The following HS3ST4 variants were observed in gnomAD, a reference collection of about 807,000 sequenced individuals.
HS3ST4 encodes heparan sulfate-glucosamine 3-sulfotransferase 4.
A neutral mutation model predicts 29.2 loss-of-function variants in HS3ST4; 17 were observed. The observed-to-expected ratio is 0.58, with a 90% CI of 0.40 to 0.87. The LOEUF is 0.87. HS3ST4 is among the 40% of genes least tolerant of loss of function. The pLI, the probability that HS3ST4 is intolerant of heterozygous loss-of-function variation, is 0.00. For synonymous variants in HS3ST4, 314 were observed against 285.7 expected (o/e 1.10, Z -1.00); for missense variants, 627 against 634.5 (o/e 0.99, Z 0.13).
chr16:25,768,061 C>G (rs75106013), intron 1 of HS3ST4, among the ~76,000 whole-genome samples: 7 of 151,950 alleles, frequency 4.6e-5, no homozygotes, highest in Non-Finnish European at 1.0e-4. Flanking sequence ...CAGGGGAGTG[C>G]GGGGGAGCAG....
intron 1 of HS3ST4, among the ~76,000 whole-genome samples, chr16:26,098,247 G>A (rs1898951582): frequency 6.6e-6 from 1 of 152,062 alleles, no homozygotes; most frequent in South Asian, 2.1e-4. Flanking sequence ...TATACCCAAA[G>A]GATTATAAAT....
intron 1 of HS3ST4, among the ~76,000 whole-genome samples, chr16:25,744,449 A>T (rs1344036170): frequency 6.6e-6 from 1 of 152,210 alleles, no homozygotes; most frequent in African/African-American, 2.4e-5. Context: ...TAGTAGAAAC[A>T]TCCTAAATAG....
At chr16:25,951,597 T>G (rs1378295009) in intron 1 of HS3ST4, among the ~76,000 whole-genome samples, 1 of 152,224 alleles carries the variant, frequency 6.6e-6, no homozygotes, top group Non-Finnish European at 1.5e-5. Flanking sequence ...GTATCCCACT[T>G]TCTACTCTCT....
intron 1 of HS3ST4, among the ~76,000 whole-genome samples, chr16:26,116,117 G>T (rs968722547): frequency 5.9e-5 from 9 of 152,174 alleles, no homozygotes; most frequent in Non-Finnish European, 1.2e-4. Flanking sequence ...AGATCCTCTT[G>T]CAAATGTGTG....
chr16:25,808,461 C>G (rs1215400987), intron 1 of HS3ST4, among the ~76,000 whole-genome samples: 1 of 152,134 alleles, frequency 6.6e-6, no homozygotes, highest in Non-Finnish European at 1.5e-5. Context: ...TATGTTTTCT[C>G]TTCCACTGAT....
intron 1 of HS3ST4, among the ~76,000 whole-genome samples, chr16:26,093,084 G>A (rs1345866207): frequency 2.0e-5 from 3 of 152,146 alleles, no homozygotes; most frequent in Admixed American, 6.5e-5. Flanking sequence ...CAAAGTGGCC[G>A]GGAAGCTTGA....
intron 1 of HS3ST4, among the ~76,000 whole-genome samples, chr16:26,017,313 T>A (rs777739080): frequency 6.6e-5 from 10 of 152,228 alleles, no homozygotes; most frequent in Non-Finnish European, 1.2e-4. Context: ...TTGGTAAAAC[T>A]GTCCCTTGTG....
At chr16:25,792,752 T>G (rs952737581) in intron 1 of HS3ST4, among the ~76,000 whole-genome samples, 3 of 151,848 alleles carry the variant, frequency 2.0e-5, no homozygotes, top group Non-Finnish European at 4.4e-5. Context: ...ATTTTGTGTG[T>G]CTTTTCAAAG....
rs1002723566 is a variant in HS3ST4, at chr16:25,889,484, C to A, written c.734+196333C>A. Among the ~76,000 whole-genome samples, 4 of 152,244 alleles carry A rather than the reference C, an allele frequency of 2.6e-5. No individual in the cohort carries two copies. The East Asian group carries it at 7.7e-4, about 29-fold the overall frequency. On this transcript the variant is annotated intron_variant, in intron 1 of 1. Transcript: ENST00000331351. ...GCAACATTTAGACACAATCAATAAG[C>A]AATCAGTGGTTGAAATCATGTGAAT...
At chr16:25,904,365 G>A (rs185356574) in intron 1 of HS3ST4, among the ~76,000 whole-genome samples, 243 of 152,310 alleles carry the variant, frequency 1.6e-3, no homozygotes, top group Non-Finnish European at 2.7e-3. Context: ...CCATCATGCT[G>A]GTCAAGCATT....
intron 1 of HS3ST4, among the ~76,000 whole-genome samples, chr16:25,747,945 T>A (rs865863900): frequency 6.6e-6 from 1 of 152,170 alleles, no homozygotes; most frequent in African/African-American, 2.4e-5. Flanking sequence ...GTTCTGGCAA[T>A]TGCACCTGTG....
At chr16:26,100,793 T>G (rs1001653184) in intron 1 of HS3ST4, among the ~76,000 whole-genome samples, 14 of 152,222 alleles carry the variant, frequency 9.2e-5, no homozygotes, top group African/African-American at 3.4e-4. Context: ...GCTCCTCCCA[T>G]AACTCCATTA....
chr16:26,033,547 C>G (rs1195042946), intron 1 of HS3ST4, among the ~76,000 whole-genome samples: 1 of 147,064 alleles, frequency 6.8e-6, no homozygotes, highest in South Asian at 2.1e-4. Context: ...CAAAACAAAA[C>G]AAAACAAAAC....
intron 1 of HS3ST4, among the ~76,000 whole-genome samples, chr16:25,739,427 A>G (rs1474868664): frequency 1.3e-5 from 2 of 152,208 alleles, no homozygotes; most frequent in East Asian, 1.9e-4. Context: ...TTGTCTGCCA[A>G]TTGCCCTAAG....
At chr16:25,803,095 A>G (rs945405114) in intron 1 of HS3ST4, among the ~76,000 whole-genome samples, 1 of 150,458 alleles carries the variant, frequency 6.6e-6, no homozygotes, top group Non-Finnish European at 1.5e-5. Context: ...CTCTTTTCTC[A>G]CATATATATA....
chr16:26,108,306 G>T (rs975714552), intron 1 of HS3ST4, among the ~76,000 whole-genome samples: 2 of 152,026 alleles, frequency 1.3e-5, no homozygotes, highest in Non-Finnish European at 2.9e-5. Context: ...AGGTATTTTT[G>T]GTTGGGTTAC....
At chr16:25,938,563 G>A (rs1968540792) in intron 1 of HS3ST4, among the ~76,000 whole-genome samples, 1 of 151,142 alleles carries the variant, frequency 6.6e-6, no homozygotes, top group Non-Finnish European at 1.5e-5. Context: ...AAACAGAAAT[G>A]AAATACTCCC....
intron 1 of HS3ST4, among the ~76,000 whole-genome samples, chr16:26,115,949 A>G (rs1385098301): frequency 6.6e-6 from 1 of 152,192 alleles, no homozygotes; most frequent in Non-Finnish European, 1.5e-5. Flanking sequence ...ATTTGTGGCA[A>G]TTGTAGTGAT....
chr16:25,808,497 C>A (rs144038382), intron 1 of HS3ST4, among the ~76,000 whole-genome samples: 1 of 152,122 alleles, frequency 6.6e-6, no homozygotes, highest in East Asian at 1.9e-4. Flanking sequence ...TCTACTGATA[C>A]CACACTATCC....
Sources: gnomAD v4.1 joint callset for allele counts (sites outside exome capture counted in the v4.1 genomes callset) on GRCh38, gnomAD v4.1.1 for gene constraint, MANE v1.5 for transcripts, NCBI Gene and HGNC (gene_info 2026-07-23, HGNC 2026-07-21) for gene names.